The following ZEB1 variants were observed in gnomAD, a reference collection of about 807,000 sequenced individuals.
The protein encoded by ZEB1 is zinc finger E-box binding homeobox 1.
Under a neutral mutation model 84.9 loss-of-function variants are expected in ZEB1, and 21 were observed. The ratio of observed to expected loss-of-function variants is 0.25; its 90% CI spans 0.18 to 0.36. ZEB1 has a LOEUF of 0.36. ZEB1 is among the 10% of genes least tolerant of loss of function. ZEB1 has a pLI of 1.00. For missense variants in ZEB1, 1,104 were observed against 1,330.2 expected (o/e 0.83, Z 2.65); for synonymous variants, 420 against 471.1 (o/e 0.89, Z 1.41).
chr10:31,416,451 C>T (rs766033279), intron 1 of ZEB1, among the ~76,000 whole-genome samples: 1 of 152,106 alleles, frequency 6.6e-6, no homozygotes, highest in Non-Finnish European at 1.5e-5. Context: ...CAATTACCTA[C>T]ATAATGGTCT....
intron 2 of ZEB1, among the ~76,000 whole-genome samples, chr10:31,474,474 T>G (rs1488174498): frequency 6.6e-6 from 1 of 152,180 alleles, no homozygotes; most frequent in East Asian, 1.9e-4. Flanking sequence ...TCATCATCAC[T>G]GGCCATCAGA....
chr10:31,363,829 G>A lies in ZEB1; in HGVS notation c.58+44537G>A, dbSNP rs9663718. On this transcript the variant is annotated intron_variant, in intron 1 of 8. Coordinates refer to ENST00000424869, the MANE Select transcript of ZEB1 (RefSeq NM_001174096.2). The stretch of plus-strand genomic sequence containing the variant: ...AGGGATAAGACACAGCCTCATAGGG[G>A]CGCCGTCCCACCTGACTGGAAAAGA... 2.3e-6 allele frequency: 3 copies of A among 1,330,156 alleles called. 1 individual carries two copies. The South Asian group carries it at 4.0e-5, about 18-fold the overall frequency. 82.4% of individuals were successfully genotyped at this position (1,330,156 alleles called of 1,614,324 possible).
Position 31,520,956 on chromosome 10 carries a change from A to G in ZEB1, c.1624A>G (p.Ile542Val), listed in dbSNP as rs1156996352. 24 of 1,614,154 alleles carry G rather than the reference A, an allele frequency of 1.5e-5. No homozygotes were observed. Among genetic ancestry groups the G allele is most frequent in the Non-Finnish European group, 2.0e-5 (24 of 1,180,014 alleles). Residue 542 changes from isoleucine (I) to valine (V), a missense_variant, in exon 7 of 9, where the codon ATT becomes GTT. Around this residue, in one of 7 missense-constraint regions of ZEB1, gnomAD observed 531 missense variants for 575.2 expected, o/e 0.92. Coordinates refer to ENST00000424869, the MANE Select transcript of ZEB1 (RefSeq NM_001174096.2). The surrounding 1 kb of genome is among the most constrained non-coding windows in gnomAD (Gnocchi z 5.1). ...TCTGTGTGATGATTGTCCAGGAGATATTAATGCACTTCCAGAATTAAAGCA... is the reference window on the plus strand; with the variant it reads ...TCTGTGTGATGATTGTCCAGGAGATGTTAATGCACTTCCAGAATTAAAGCA... ...CLLCDDCPGD[I>V]NALPELKHYD...
chr10:31,511,332 T>A (rs2069968600), intron 5 of ZEB1, among the ~76,000 whole-genome samples: 1 of 152,146 alleles, frequency 6.6e-6, no homozygotes, highest in Non-Finnish European at 1.5e-5. Context: ...GCTACGTGGT[T>A]TTTTTCCCCC....
intron 1 of ZEB1, among the ~76,000 whole-genome samples, chr10:31,436,793 A>C (rs1321751755): frequency 1.3e-5 from 2 of 152,142 alleles, no homozygotes; most frequent in Non-Finnish European, 1.5e-5. Flanking sequence ...CGTTTAAAAT[A>C]CCTATTTCCC....
At chr10:31,503,379 TTC>T (rs2068439182) in intron 4 of ZEB1, among the ~76,000 whole-genome samples, 1 of 152,170 alleles carries the variant, frequency 6.6e-6, no homozygotes, top group African/African-American at 2.4e-5. Context: ...TTTTGAAGTA[TTC>T]TGTCATATCA....
chr10:31,391,907 A>G (rs571160398), intron 1 of ZEB1, among the ~76,000 whole-genome samples: 8 of 152,308 alleles, frequency 5.3e-5, no homozygotes, highest in African/African-American at 2.4e-5. Flanking sequence ...TTTCATAACA[A>G]AAAATTTGGT....
chr10:31,499,537 TG>T (rs1409668679), intron 3 of ZEB1, among the ~76,000 whole-genome samples: 5 of 152,274 alleles, frequency 3.3e-5, no homozygotes, highest in African/African-American at 1.2e-4. Flanking sequence ...GAACTCAGTG[TG>T]TCAATACATA....
At position 31,521,921 on chromosome 10, in the gene ZEB1, G is replaced by T; in HGVS notation, c.2589G>T (p.Gln863His). ...AAGAACCACCCTTGAAAGTGATCCA[G>T]CCAAATGGAAATCAGGTAAAAAATA... Reference protein sequence around the residue: ...AVQEPPLKVIQPNGNQDERQD... With the variant: ...AVQEPPLKVIHPNGNQDERQD... The change falls in exon 7 of 9, where the codon CAG becomes CAT. Residue 863 changes from glutamine to histidine, a missense_variant. This residue lies in a region of ZEB1 where 531 missense variants were observed against 575.2 expected (regional missense o/e 0.92). Coordinates refer to ENST00000424869, the MANE Select transcript of ZEB1 (RefSeq NM_001174096.2). 6.2e-7 allele frequency: 1 copy of T among 1,613,988 alleles called. No homozygotes were observed. The highest frequency in any genetic ancestry group is 8.5e-7 in the Non-Finnish European group (1 of 1,179,954).
chr10:31,409,858 T>A (rs966102642), intron 1 of ZEB1, among the ~76,000 whole-genome samples: 1 of 152,216 alleles, frequency 6.6e-6, no homozygotes, highest in Non-Finnish European at 1.5e-5. Context: ...CACATTGATT[T>A]TGTATCCTGA....
intron 2 of ZEB1, among the ~76,000 whole-genome samples, chr10:31,463,916 A>G (rs1035978534): frequency 6.6e-6 from 1 of 152,216 alleles, no homozygotes; most frequent in African/African-American, 2.4e-5. Context: ...AAACAAAAGG[A>G]AGCAGAAACT....
chr10:31,333,681 A>G (rs1455911632), intron 1 of ZEB1, among the ~76,000 whole-genome samples: 1 of 152,116 alleles, frequency 6.6e-6, no homozygotes, highest in African/African-American at 2.4e-5. Context: ...CAAGTAGCAC[A>G]AAAGTACATA....
At chr10:31,470,154 G>A (rs980413991) in intron 2 of ZEB1, among the ~76,000 whole-genome samples, 7 of 152,296 alleles carry the variant, frequency 4.6e-5, no homozygotes, top group East Asian at 3.9e-4. Flanking sequence ...AAAGCAGAGC[G>A]CCTCTCCTCC....
At chr10:31,503,624 GT>G (rs897831252) in intron 4 of ZEB1, among the ~76,000 whole-genome samples, 1 of 151,528 alleles carries the variant, frequency 6.6e-6, no homozygotes, top group Non-Finnish European at 1.5e-5. Context: ...TCTATTTTTA[GT>G]TTTTTTTGAG....
intron 1 of ZEB1, among the ~76,000 whole-genome samples, chr10:31,429,615 C>T (rs2057423769): frequency 6.9e-6 from 1 of 144,510 alleles, no homozygotes; most frequent in South Asian, 2.2e-4. Context: ...ATAATCTGCA[C>T]AACAAACCCT....
rs760561118 is a variant in ZEB1 at position 31,526,940 on chromosome 10, C to T, written c.3054C>T (p.Pro1018=). ...AGCACGTGGGTGCCAGGGCGTCTCC[C>T]TCACAGGGCGACTCGGACGAGAGAG... ...SNEHVGARAS[P]SQGDSDERES... is the part of the protein sequence containing the mutation. Residue 1018 remains proline (P), a synonymous_variant, in exon 9 of 9, where the codon CCC becomes CCT. Coordinates refer to ENST00000424869, the MANE Select transcript of ZEB1 (RefSeq NM_001174096.2). The T allele has an allele frequency of 7.4e-6, 12 of 1,613,880 alleles. No homozygotes were observed. The highest frequency in any genetic ancestry group is 5.3e-5 in the African/African-American group (4 of 74,906).
intron 1 of ZEB1, chr10:31,321,038 A>C: frequency 1.6e-6 from 1 of 643,854 alleles, no homozygotes; most frequent in Non-Finnish European, 1.9e-6. Flanking sequence ...ATGCGTCTAT[A>C]ATGGGACCGC....
intron 2 of ZEB1, among the ~76,000 whole-genome samples, chr10:31,474,977 C>T (rs1342768734): frequency 3.3e-5 from 5 of 150,906 alleles, no homozygotes; most frequent in South Asian, 2.1e-4. Context: ...AATCAAACAC[C>T]GCATATTCTC....
chr10:31,328,261 A>G (rs376316407), intron 1 of ZEB1, among the ~76,000 whole-genome samples: 2 of 152,250 alleles, frequency 1.3e-5, no homozygotes, highest in East Asian at 3.9e-4. Context: ...ATAGCAGTTA[A>G]GAGTTTGGGT....
Sources: gnomAD v4.1 joint callset for allele counts (sites outside exome capture counted in the v4.1 genomes callset) on GRCh38, gnomAD v4.1.1 for gene constraint, gnomAD v4.1.1 regional missense constraint, Gnocchi (gnomAD v3.1) non-coding constraint, MANE v1.5 for transcripts, NCBI Gene and HGNC (gene_info 2026-07-23, HGNC 2026-07-21) for gene names.